Variants in STAB2 observed in about 807,000 individuals in gnomAD.
STAB2 encodes the protein stabilin 2, also known as stabilin-2.
A neutral mutation model predicts 338.1 loss-of-function variants in STAB2; 288 were observed. That is an observed-to-expected ratio of 0.85 (90% CI 0.77 to 0.94). The LOEUF (loss-of-function observed/expected upper bound fraction) is 0.94, where lower values mean the gene tolerates loss of function less well. STAB2 is among the 40% of genes least tolerant of loss of function. The pLI is 0.00. For missense variants in STAB2, 3,141 were observed against 3,210.1 expected (o/e 0.98, Z 0.52); for synonymous variants, 1,202 against 1,193.3 (o/e 1.01, Z -0.15).
chr12:103,762,348 T>G lies in STAB2; in HGVS notation c.7434T>G (p.Ala2478=). The part of the protein sequence containing the change: ...IILVTGAVAL[A]AYSYFRINRR... Reference sequence around the variant, plus strand: ...TGGTGACTGGGGCTGTTGCCTTGGCTGCTTACTCCTACTTTCGGATAAACC... The same window carrying G: ...TGGTGACTGGGGCTGTTGCCTTGGCGGCTTACTCCTACTTTCGGATAAACC... The change falls in exon 67 of 69, where the codon GCT becomes GCG. Residue 2478 remains alanine (A), a synonymous_variant. Transcript: ENST00000388887. 2 of 1,614,238 alleles carry G rather than the reference T, an allele frequency of 1.2e-6. No homozygotes were observed. Among genetic ancestry groups the G allele is most frequent in the Non-Finnish European group, 1.7e-6 (2 of 1,180,042 alleles).
Position 103,594,495 on chromosome 12 carries a change from G to C in STAB2, c.316G>C (p.Gly106Arg), listed in dbSNP as rs201844717. 1.7e-4 allele frequency: 270 copies of C among 1,613,768 alleles called. 3 individuals are homozygous for C. In the Admixed American group the frequency reaches 4.2e-3, roughly 25 times the overall value. ...ACCTCGGTGTTGTCCTGGCCGCTGG[G>C]GCCCAGACTGTATAGGTAAGTGGCA... Reference protein sequence around the residue: ...LQPRCCPGRWGPDCIECPGGA... With the variant: ...LQPRCCPGRWRPDCIECPGGA... Residue 106 changes from glycine (G) to arginine (R), a missense_variant, in exon 3 of 69, where the codon GGC becomes CGC. Gly to Arg is a moderately radical substitution (Grantham distance 125). Coordinates refer to ENST00000388887, the MANE Select transcript of STAB2 (RefSeq NM_017564.10).
chr12:103,700,140 A>G (rs1878736119), intron 34 of STAB2, among the ~76,000 whole-genome samples: 1 of 152,266 alleles, frequency 6.6e-6, no homozygotes, highest in Non-Finnish European at 1.5e-5. Flanking sequence ...TTTACAATTC[A>G]TAGAAAAGAA....
chr12:103,726,302 A>C (rs1462076964), intron 46 of STAB2, 139 bp downstream of exon 46: 3 of 734,104 alleles, frequency 4.1e-6, no homozygotes, highest in African/African-American at 3.5e-5. Context: ...CAGTCTGGGG[A>C]ACATGGCAAA....
intron 63 of STAB2, among the ~76,000 whole-genome samples, chr12:103,756,367 T>C (rs530651265): frequency 1.3e-5 from 2 of 152,334 alleles, no homozygotes; most frequent in Admixed American, 6.5e-5. Flanking sequence ...TAAGAGGACA[T>C]TTCATTCAAG....
chr12:103,757,218 A>T (rs1375429051), intron 63 of STAB2, among the ~76,000 whole-genome samples: 1 of 151,536 alleles, frequency 6.6e-6, no homozygotes, highest in Non-Finnish European at 1.5e-5. Context: ...CCTCCAGAGC[A>T]GCTGGGACTA....
In STAB2 at chr12:103,673,950, C is replaced by T. The variant is rs769292089; in HGVS notation, c.2415C>T (p.Ser805=). 4.3e-6 allele frequency: 7 copies of T among 1,613,848 alleles called. No homozygotes were observed. In the Admixed American group the frequency reaches 5.0e-5, roughly 12 times the overall value. Residue 805 remains serine (S), a synonymous_variant, in exon 23 of 69, where the codon AGC becomes AGT. Transcript: ENST00000388887. ...GAACATGCAATAACAGGATAGACAG[C>T]GATGGGGCCTGCCTCACTGGCACAT... ...VHGTCNNRID[S]DGACLTGTCR... is the part of the protein sequence containing the mutation.
Position 103,726,218 on chromosome 12 carries a change from G to A in STAB2, c.4851+55G>A. On this transcript the variant is annotated intron_variant, in intron 46 of 68. Coordinates refer to ENST00000388887, the MANE Select transcript of STAB2 (RefSeq NM_017564.10). ...AAGAGTTCAGCCTAGGCCAGGTGCAGTGGCTCACACCTGTAATTCCAACAC... is the reference window on the plus strand; with the variant it reads ...AAGAGTTCAGCCTAGGCCAGGTGCAATGGCTCACACCTGTAATTCCAACAC... The A allele has an allele frequency of 5.0e-6, 8 of 1,584,732 alleles. No individual in the cohort carries two copies. In the South Asian group the frequency reaches 7.8e-5, roughly 15 times the overall value.
At chr12:103,710,553 C>T (rs1292805809) in intron 39 of STAB2, among the ~76,000 whole-genome samples, 2 of 152,138 alleles carry the variant, frequency 1.3e-5, no homozygotes, top group Non-Finnish European at 2.9e-5. Flanking sequence ...TAAGCTGCTA[C>T]CAATTAATTG....
chr12:103,615,228 A>C (rs906274733), intron 3 of STAB2, among the ~76,000 whole-genome samples: 4 of 151,942 alleles, frequency 2.6e-5, no homozygotes, highest in African/African-American at 9.7e-5. Context: ...GATGTCAGAC[A>C]GGGCTAGAGA....
chr12:103,666,295 C>T lies in STAB2; in HGVS notation c.2027C>T (p.Thr676Ile). 1 of 1,614,090 alleles carries T rather than the reference C, an allele frequency of 6.2e-7. No individual in the cohort carries two copies. Among genetic ancestry groups the T allele is most frequent in the Non-Finnish European group, 8.5e-7 (1 of 1,180,030 alleles). The change falls in exon 19 of 69, where the codon ACT becomes ATT. Residue 676 changes from threonine to isoleucine, a missense_variant. Transcript: ENST00000388887. ...ACCTCCTGTCTCTCCCTCCAGGGCA[C>T]TTGTGTGAGCTGTTCTCTGGTGTAC... The part of the protein sequence containing the change: ...DETKREMKLG[T>I]CVSCSLVYWS...
At chr12:103,700,736 T>C (rs1417583454) in intron 34 of STAB2, among the ~76,000 whole-genome samples, 2 of 152,256 alleles carry the variant, frequency 1.3e-5, no homozygotes, top group Non-Finnish European at 2.9e-5. Context: ...CGTTCATTTT[T>C]CCATGTGTGC....
chr12:103,736,262 G>C (rs1206485052), intron 52 of STAB2, among the ~76,000 whole-genome samples: 1 of 152,150 alleles, frequency 6.6e-6, no homozygotes, highest in African/African-American at 2.4e-5. Flanking sequence ...GTCCAGCATG[G>C]TTGCTGGAGC....
intron 13 of STAB2, 151 bp from the exon 14 acceptor site, chr12:103,655,100 A>G: frequency 2.6e-6 from 2 of 764,740 alleles, no homozygotes; most frequent in Non-Finnish European, 4.3e-6. Flanking sequence ...GACAGCGAAC[A>G]TTTATATAAT....
rs138962387 is a variant in STAB2, at chr12:103,665,605, G to T, written c.2023-686G>T. 8.5e-5 allele frequency among the ~76,000 whole-genome samples: 13 copies of T among 152,256 alleles called. No individual in the cohort carries two copies. In the East Asian group the frequency reaches 2.5e-3, roughly 29 times the overall value. On this transcript the variant is annotated intron_variant, in intron 18 of 68. Transcript: ENST00000388887. ...CGTAGGGATGGTACCAAAGCAGAGA[G>T]GGAGCAGGGATGAAATCCTTGACCT...
chr12:103,620,649 A>T, intron 4 of STAB2, 96 bp downstream of exon 4: 1 of 982,094 alleles, frequency 1.0e-6, no homozygotes, highest in Non-Finnish European at 1.5e-6. Context: ...ACACACACAC[A>T]CACACGTGCA....
Position 103,739,482 on chromosome 12 carries a change from C to CAGTGATAA in STAB2, c.5754+15_5754+22dup, listed in dbSNP as rs1391159722. ...AGTAAACCAAAGGTAATTAAGACTG[C>CAGTGATAA]AGTGATAATGTTTGGAGAGCCATAG... On this transcript the variant is annotated intron_variant, in intron 54 of 68. Coordinates refer to ENST00000388887, the MANE Select transcript of STAB2 (RefSeq NM_017564.10). 1.1e-5 allele frequency: 17 copies of CAGTGATAA among 1,570,906 alleles called. No individual in the cohort carries two copies. In the East Asian group the frequency reaches 4.0e-4, roughly 37 times the overall value.
intron 6 of STAB2, among the ~76,000 whole-genome samples, chr12:103,633,565 C>T (rs771464705): frequency 1.3e-5 from 2 of 152,162 alleles, no homozygotes; most frequent in African/African-American, 4.8e-5. Context: ...GCCTGTAATC[C>T]CAGCTACTCA....
intron 21 of STAB2, among the ~76,000 whole-genome samples, chr12:103,670,031 A>C (rs1352422144): frequency 2.0e-5 from 3 of 152,212 alleles, no homozygotes; most frequent in Non-Finnish European, 2.9e-5. Context: ...AAACCTAGTG[A>C]AATGTAACAG....
chr12:103,692,784 A>C (rs750384080), intron 30 of STAB2, 28 bp from the exon 31 acceptor site: 75 of 1,597,274 alleles, frequency 4.7e-5, no homozygotes, highest in Non-Finnish European at 6.4e-5. Flanking sequence ...ATAAAGACTC[A>C]TCTTCCCACT....
Sources: gnomAD v4.1 joint callset for allele counts (sites outside exome capture counted in the v4.1 genomes callset) on GRCh38, gnomAD v4.1.1 for gene constraint, MANE v1.5 for transcripts, NCBI Gene and HGNC (gene_info 2026-07-23, HGNC 2026-07-21) for gene names.